Variants in SYTL3 observed in about 807,000 individuals in gnomAD.
The protein encoded by SYTL3 is synaptotagmin like 3.
SYTL3 carries 88 observed loss-of-function variants against 82.1 expected under a neutral mutation model. The ratio of observed to expected loss-of-function variants is 1.07; its 90% CI spans 0.90 to 1.28. SYTL3 has a LOEUF of 1.28. Among genes scored for constraint, SYTL3 ranks in the 50% most tolerant of loss-of-function variants. SYTL3 has a pLI of 0.00. For missense variants in SYTL3, 831 were observed against 757.6 expected (o/e 1.10, Z -1.14); for synonymous variants, 311 against 289.4 (o/e 1.07, Z -0.76).
intron 5 of SYTL3, among the ~76,000 whole-genome samples, chr6:158,677,647 G>A (rs1389551668): frequency 7.1e-6 from 1 of 141,312 alleles, no homozygotes; most frequent in Non-Finnish European, 1.5e-5. Flanking sequence ...AGAGGTTGCA[G>A]TGAGCCGAGA....
chr6:158,727,689 C>CTT lies in SYTL3; in HGVS notation c.855+2063_855+2064dup, dbSNP rs55657606. ...CATGTGCGTGTCTCATCCAAGTACT[C>CTT]TTTTTTTTTTTTGAGATGAAGTCTC... is the stretch of plus-strand genomic sequence containing the variant. On this transcript the variant is annotated intron_variant, in intron 11 of 17. Coordinates refer to ENST00000611299, the MANE Select transcript of SYTL3 (RefSeq NM_001242394.2). Among the ~76,000 whole-genome samples the CTT allele has an allele frequency of 5.7e-4, 61 of 106,712 alleles. 2 individuals are homozygous for CTT. The highest frequency in any genetic ancestry group is 9.1e-4 in the Admixed American group (10 of 10,930). The allele number at this position is 106,712 out of a possible 152,430, so 70.0% of individuals were successfully genotyped here.
chr6:158,736,276 G>A (rs564057774), intron 11 of SYTL3, among the ~76,000 whole-genome samples: 18 of 152,056 alleles, frequency 1.2e-4, no homozygotes, highest in African/African-American at 3.4e-4. Context: ...GCATGAACCC[G>A]GGAGGCAGAG....
intron 5 of SYTL3, among the ~76,000 whole-genome samples, chr6:158,670,807 ATT>A (rs35123978): frequency 6.1e-5 from 9 of 147,532 alleles, no homozygotes; most frequent in Admixed American, 6.7e-5. Flanking sequence ...TGTACAGAGT[ATT>A]TTTTTTTTTT....
chr6:158,698,561 C>A (rs1470103942), intron 6 of SYTL3, among the ~76,000 whole-genome samples: 2 of 152,136 alleles, frequency 1.3e-5, no homozygotes, highest in Non-Finnish European at 2.9e-5. Context: ...TTGTCCAACA[C>A]CCACTCTAAC....
chr6:158,748,655 G>C (rs2128520492), intron 12 of SYTL3, among the ~76,000 whole-genome samples: 1 of 152,200 alleles, frequency 6.6e-6, no homozygotes, highest in East Asian at 1.9e-4. Context: ...GACCAGCCTG[G>C]CCAACATGGT....
intron 11 of SYTL3, among the ~76,000 whole-genome samples, chr6:158,744,474 AT>A (rs940944719): frequency 5.5e-5 from 8 of 146,616 alleles, no homozygotes; most frequent in East Asian, 4.0e-4. Context: ...TGCCTGGCTA[AT>A]TTTTTTTTTC....
intron 7 of SYTL3, among the ~76,000 whole-genome samples, 188 bp from the exon 8 acceptor site, chr6:158,708,134 G>A (rs1451961140): frequency 6.6e-6 from 1 of 152,068 alleles, no homozygotes; most frequent in African/African-American, 2.4e-5. Context: ...ATAGATACCA[G>A]GAAATCATGC....
At chr6:158,689,019 GA>G (rs1324652903) in intron 6 of SYTL3, among the ~76,000 whole-genome samples, 1 of 152,212 alleles carries the variant, frequency 6.6e-6, no homozygotes, top group Non-Finnish European at 1.5e-5. Flanking sequence ...TATGATTTCT[GA>G]TGAGTGTATC....
chr6:158,713,772 T>C (rs1401209534), intron 8 of SYTL3, 28 bp from the exon 9 acceptor site: 5 of 1,490,890 alleles, frequency 3.4e-6, no homozygotes, highest in Non-Finnish European at 3.7e-6. Flanking sequence ...AGCATAATTC[T>C]CATTCTCTCC....
chr6:158,727,575 C>T (rs1784885257), intron 11 of SYTL3, among the ~76,000 whole-genome samples: 1 of 152,108 alleles, frequency 6.6e-6, no homozygotes, highest in African/African-American at 2.4e-5. Flanking sequence ...TAAGGATGGA[C>T]ATAGCTGGGC....
intron 5 of SYTL3, among the ~76,000 whole-genome samples, chr6:158,668,521 G>A (rs754244189): frequency 1.3e-4 from 20 of 150,360 alleles, no homozygotes; most frequent in African/African-American, 3.8e-4. Flanking sequence ...GAGCCACTGC[G>A]CCCGGCCGGC....
At chr6:158,705,326 A>T (rs1346873654) in intron 6 of SYTL3, among the ~76,000 whole-genome samples, 1 of 102,808 alleles carries the variant, frequency 9.7e-6, no homozygotes, top group Non-Finnish European at 2.0e-5. Context: ...ACCTGGGGAC[A>T]GGGTGACAGT....
chr6:158,703,980 C>T (rs1277485681), intron 6 of SYTL3, among the ~76,000 whole-genome samples: 1 of 151,682 alleles, frequency 6.6e-6, no homozygotes, highest in Admixed American at 6.6e-5. Context: ...TGACCTCATG[C>T]CCGGCTAGGC....
chr6:158,648,647 A>G (rs1427949197), upstream of SYTL3, among the ~76,000 whole-genome samples: 2 of 151,708 alleles, frequency 1.3e-5, no homozygotes, highest in Admixed American at 6.6e-5. Flanking sequence ...TTGTTCTGCT[A>G]TAATCTGCAG....
chr6:158,751,299 G>A (rs1788353898), intron 12 of SYTL3, among the ~76,000 whole-genome samples: 1 of 152,094 alleles, frequency 6.6e-6, no homozygotes, highest in African/African-American at 2.4e-5. Context: ...GCTGCCAGAG[G>A]AGCCATGAAG....
rs11419212 is a variant in SYTL3, at chr6:158,753,729, C to CAAA, written c.1137+1714_1137+1716dup. Among the ~76,000 whole-genome samples the CAAA allele has an allele frequency of 3.4e-3, 371 of 109,674 alleles. 3 individuals carry two copies. The highest frequency in any genetic ancestry group is 0.01 in the South Asian group (33 of 3,250). The allele number at this position is 109,674 out of a possible 152,430, so 72.0% of individuals were successfully genotyped here. On this transcript the variant is annotated intron_variant, in intron 13 of 17. Transcript: ENST00000611299. Reference sequence around the variant, plus strand: ...TGGGTGACAGAGCGAGACTCCGTCTCAAAAAAAAAAAAAAAAATGTAGTTA... The same window carrying CAAA: ...TGGGTGACAGAGCGAGACTCCGTCTCAAAAAAAAAAAAAAAAAAAATGTAGTTA...
Position 158,764,797 on chromosome 6 carries a change from T to C in SYTL3, c.*193T>C. The C allele has an allele frequency of 2.0e-6, 1 of 490,740 alleles. No homozygotes were observed. The highest frequency in any genetic ancestry group is 3.6e-6 in the Non-Finnish European group (1 of 274,990). 30.4% of individuals were successfully genotyped at this position (490,740 alleles called of 1,614,324 possible). A position where few individuals can be genotyped will look rare whatever the true frequency, so the allele number is the denominator to read the frequency against. On this transcript the variant is annotated 3_prime_UTR_variant, in exon 18 of 18. Coordinates refer to ENST00000611299, the MANE Select transcript of SYTL3 (RefSeq NM_001242394.2). The stretch of plus-strand genomic sequence containing the variant: ...TTACGTTAAACACAATTATGTTACC[T>C]AAGCCTCTGGTGGGTTATCTCCTCT...
chr6:158,681,727 C>T (rs1023999255), intron 5 of SYTL3, among the ~76,000 whole-genome samples: 1 of 152,206 alleles, frequency 6.6e-6, no homozygotes, highest in African/African-American at 2.4e-5. Context: ...TCTCCATCAA[C>T]ACACATTGAT....
At chr6:158,731,232 C>G (rs1334221859) in intron 11 of SYTL3, among the ~76,000 whole-genome samples, 1 of 150,840 alleles carries the variant, frequency 6.6e-6, no homozygotes, top group South Asian at 2.1e-4. Flanking sequence ...TGCAGTGAGC[C>G]GAGATCACAC....
Sources: allele counts gnomAD v4.1 joint callset (sites outside exome capture counted in the v4.1 genomes callset), GRCh38; gene constraint gnomAD v4.1.1; transcripts MANE v1.5; gene names NCBI Gene and HGNC (gene_info 2026-07-23, HGNC 2026-07-21).